Variants in DOK1 observed in about 807,000 individuals in gnomAD.
DOK1 encodes Downstream of tyrosine kinase 1.
DOK1 carries 12 observed loss-of-function variants against 24.0 expected under a neutral mutation model. That is an observed-to-expected ratio of 0.50 (90% CI 0.32 to 0.81). The LOEUF (loss-of-function observed/expected upper bound fraction) is 0.81. Among genes scored for constraint, DOK1 ranks in the 30% least tolerant of loss-of-function variants. The pLI, the probability that DOK1 is intolerant of heterozygous loss-of-function variation, is 0.03. For missense variants in DOK1, 591 were observed against 620.7 expected (o/e 0.95, Z 0.51); for synonymous variants, 250 against 260.9 (o/e 0.96, Z 0.40).
chr2:74,549,955 C>T, upstream of DOK1: 1 of 985,440 alleles, frequency 1.0e-6, no homozygotes, highest in Non-Finnish European at 1.2e-6. The surrounding 1 kb of genome is among the most constrained non-coding windows in gnomAD (Gnocchi z 5.3). Context: ...CCAGGGGTGA[C>T]TAGGGATGAA....
At position 74,549,105 on chromosome 2, in the gene DOK1, G is replaced by A. The variant is rs1009232154; in HGVS notation, c.-425G>A. 1.5e-5 allele frequency: 5 copies of A among 339,008 alleles called. No homozygotes were observed. The highest frequency in any genetic ancestry group is 2.6e-5 in the Non-Finnish European group (5 of 188,908). 21.0% of individuals were successfully genotyped at this position (339,008 alleles called of 1,614,324 possible). On this transcript the variant is annotated 5_prime_UTR_variant, in exon 1 of 5. Coordinates refer to the DOK1 transcript ENST00000409429. This position sits in a 1 kb window ranked among gnomAD's most constrained non-coding sequence, Gnocchi z 5.3. ...CGAGGCCGGCGCGCGCCCCGGGGCC[G>A]AGGAATCCGCCTGCCCGCCCAGGCG...
At chr2:74,552,515 CT>C (rs1349920719), upstream of DOK1, 4 of 1,613,418 alleles carry the variant, frequency 2.5e-6, no homozygotes, top group African/African-American at 4.0e-5. Flanking sequence ...ACCGAAGCCC[CT>C]GGCTCCCGGC....
chr2:74,555,201 C>T lies in DOK1; in HGVS notation c.108C>T (p.Gly36=), dbSNP rs768658142. 69 of 1,613,404 alleles carry T rather than the reference C, an allele frequency of 4.3e-5. No homozygotes were observed. Among genetic ancestry groups the T allele is most frequent in the Non-Finnish European group, 5.2e-5 (61 of 1,180,024 alleles). Residue 36 remains glycine (G), a synonymous_variant, in exon 2 of 5, where the codon GGC becomes GGT. Transcript: ENST00000233668. The surrounding 1 kb of genome is among the most constrained non-coding windows in gnomAD (Gnocchi z 6.1). ...WAVLYPASPH[G]VARLEFFDHK... ...TGCTCTACCCGGCCAGTCCCCACGG[C>T]GTAGCGCGGCTCGAGTTCTTTGACC... is the stretch of plus-strand genomic sequence containing the variant.
chr2:74,552,955 G>A (rs1677117065), upstream of DOK1: 1 of 320,506 alleles, frequency 3.1e-6, no homozygotes, highest in Admixed American at 4.6e-5. Context: ...CGTAGAGAGA[G>A]AGGAAGACCC....
chr2:74,550,313 TC>T (rs1676922805), upstream of DOK1: 1 of 1,613,916 alleles, frequency 6.2e-7, no homozygotes, highest in Admixed American at 1.7e-5. Flanking sequence ...CTCTGCTCGG[TC>T]CCACTGCAGC....
chr2:74,549,785 C>G (rs1676881399), upstream of DOK1: 4 of 1,421,742 alleles, frequency 2.8e-6, no homozygotes, highest in Non-Finnish European at 3.7e-6. This position sits in a 1 kb window ranked among gnomAD's most constrained non-coding sequence, Gnocchi z 5.3. Context: ...ATGTGCTGTG[C>G]TCCCAGAGAG....
In DOK1 at chr2:74,555,400, G is replaced by A. The variant is rs755421404; in HGVS notation, c.307G>A (p.Asp103Asn). 9.3e-6 allele frequency: 15 copies of A among 1,611,520 alleles called. No individual in the cohort carries two copies. The highest frequency in any genetic ancestry group is 1.3e-5 in the Non-Finnish European group (15 of 1,179,444). The change falls in exon 2 of 5, where the codon GAC (aspartate) becomes AAC (asparagine). Residue 103 changes from aspartate (D) to asparagine (N), a missense_variant. Coordinates refer to ENST00000233668, the MANE Select transcript of DOK1 (RefSeq NM_001381.5). The surrounding 1 kb of genome is among the most constrained non-coding windows in gnomAD (Gnocchi z 6.1). ...TCAGCGCTCGCACCTGCTGGCGGCCGACGCGCCGTCCAGTGCAGCCTGGGT... is the reference window on the plus strand; with the variant it reads ...TCAGCGCTCGCACCTGCTGGCGGCCAACGCGCCGTCCAGTGCAGCCTGGGT... Reference protein sequence around the residue: ...TAQRSHLLAADAPSSAAWVQT... With the variant: ...TAQRSHLLAANAPSSAAWVQT...
At position 74,549,325 on chromosome 2, in the gene DOK1, A is replaced by T. The variant is rs945063230; in HGVS notation, c.-358+153A>T. 1.3e-6 allele frequency: 2 copies of T among 1,515,868 alleles called. No individual in the cohort carries two copies. The highest frequency in any genetic ancestry group is 2.5e-5 in the South Asian group (2 of 80,986). The allele number at this position is 1,515,868 out of a possible 1,614,324, so 93.9% of individuals were successfully genotyped here. The stretch of plus-strand genomic sequence containing the variant: ...CTCCCAAGGCTATTCATCAGGGAGC[A>T]CCCCAATCCCGGCCTGCTCCGCCCG... On this transcript the variant is annotated intron_variant, in intron 1 of 4. Transcript: ENST00000409429. The surrounding 1 kb of genome is among the most constrained non-coding windows in gnomAD (Gnocchi z 5.3).
At position 74,549,316 on chromosome 2, in the gene DOK1, T is replaced by C; in HGVS notation, c.-358+144T>C. ...CTCAGATGTCTCCCAAGGCTATTCA[T>C]CAGGGAGCACCCCAATCCCGGCCTG... On this transcript the variant is annotated intron_variant, in intron 1 of 4. Coordinates refer to the DOK1 transcript ENST00000409429. This position sits in a 1 kb window ranked among gnomAD's most constrained non-coding sequence, Gnocchi z 5.3. 3 of 1,505,934 alleles carry C rather than the reference T, an allele frequency of 2.0e-6. No homozygotes were observed. 93.3% of individuals were successfully genotyped at this position (1,505,934 alleles called of 1,614,324 possible).
chr2:74,554,632 C>T (rs560774317), upstream of DOK1: 3 of 884,150 alleles, frequency 3.4e-6, no homozygotes, highest in South Asian at 3.4e-5. The surrounding 1 kb of genome is among the most constrained non-coding windows in gnomAD (Gnocchi z 4.9). Flanking sequence ...CCCACCGCGA[C>T]CCCCCCAGCG....
chr2:74,556,094 G>C lies in DOK1; in HGVS notation c.639+16G>C. The C allele has an allele frequency of 6.4e-7, 1 of 1,563,224 alleles. No individual in the cohort carries two copies. The highest frequency in any genetic ancestry group is 8.7e-7 in the Non-Finnish European group (1 of 1,152,072). On this transcript the variant is annotated intron_variant, in intron 4 of 4. Coordinates refer to ENST00000233668, the MANE Select transcript of DOK1 (RefSeq NM_001381.5). This position sits in a 1 kb window ranked among gnomAD's most constrained non-coding sequence, Gnocchi z 4.1. ...CCGGGACAAGGTGCAGGGGCTGTCCGGGAGGGCTTCCTGGGTTGGGCAGCT... is the reference window on the plus strand; with the variant it reads ...CCGGGACAAGGTGCAGGGGCTGTCCCGGAGGGCTTCCTGGGTTGGGCAGCT...
At position 74,556,256 on chromosome 2, in the gene DOK1, T is replaced by G. The variant is rs1022981148; in HGVS notation, c.640-52T>G. 6.5e-5 allele frequency: 103 copies of G among 1,578,068 alleles called. No homozygotes were observed. In the Admixed American group the frequency reaches 1.7e-3, roughly 26 times the overall value. On this transcript the variant is annotated intron_variant, in intron 4 of 4. Coordinates refer to ENST00000233668, the MANE Select transcript of DOK1 (RefSeq NM_001381.5). This position sits in a 1 kb window ranked among gnomAD's most constrained non-coding sequence, Gnocchi z 4.1. The stretch of plus-strand genomic sequence containing the variant: ...ACCCTAACTAGTGCAGGCGTGTGAC[T>G]CACTTCCTCTGATGGCTCCTGGTAA...
Position 74,556,015 on chromosome 2 carries a change from T to G in DOK1, c.576T>G (p.Ser192Arg). The G allele has an allele frequency of 1.9e-6, 3 of 1,612,992 alleles. No homozygotes were observed. Among genetic ancestry groups the G allele is most frequent in the Non-Finnish European group, 2.5e-6 (3 of 1,179,562 alleles). The change falls in exon 4 of 5, where the codon AGT (serine) becomes AGG (arginine). Residue 192 changes from serine (S) to arginine (R), a missense_variant. Ser to Arg is a moderately radical substitution (Grantham distance 110). Transcript: ENST00000233668. This position sits in a 1 kb window ranked among gnomAD's most constrained non-coding sequence, Gnocchi z 4.1. ...CTCTCCTGACCGTGGGGGCCCAGAG[T>G]CAGATACTGGAGCCACTCCTGTCCT... ...RLTLLTVGAQSQILEPLLSWP... is the reference protein window; with the variant it reads ...RLTLLTVGAQRQILEPLLSWP...
chr2:74,555,807 C>G lies in DOK1; in HGVS notation c.455-87C>G. The G allele has an allele frequency of 6.3e-7, 1 of 1,583,978 alleles. No individual in the cohort carries two copies. ...CTGAGATCTGGCTTCCGAGTGAGTGCTTGGACACTATGCTCATGAGTCCTC... is the reference window on the plus strand; with the variant it reads ...CTGAGATCTGGCTTCCGAGTGAGTGGTTGGACACTATGCTCATGAGTCCTC... On this transcript the variant is annotated intron_variant, in intron 3 of 4. Coordinates refer to ENST00000233668, the MANE Select transcript of DOK1 (RefSeq NM_001381.5). This position sits in a 1 kb window ranked among gnomAD's most constrained non-coding sequence, Gnocchi z 6.1.
At chr2:74,552,146 A>G (rs564645402), upstream of DOK1, among the ~76,000 whole-genome samples, 1 of 152,304 alleles carries the variant, frequency 6.6e-6, no homozygotes, top group East Asian at 1.9e-4. Context: ...GACTAGCCTA[A>G]GGTCACACAG....
upstream of DOK1, chr2:74,552,489 A>AAGCC: frequency 3.7e-6 from 6 of 1,613,522 alleles, no homozygotes; most frequent in Non-Finnish European, 5.1e-6. Context: ...CTTCCTGGGG[A>AAGCC]AGCCAGCCAG....
chr2:74,549,919 TGAG>T (rs991474855), upstream of DOK1: 9 of 985,288 alleles, frequency 9.1e-6, no homozygotes, highest in African/African-American at 7.0e-5. This position sits in a 1 kb window ranked among gnomAD's most constrained non-coding sequence, Gnocchi z 5.3. Flanking sequence ...CAGGAACATT[TGAG>T]GAGAAGGAGA....
rs1007223061 is a variant in DOK1 at position 74,549,437 on chromosome 2, G to C, written c.-358+265G>C. 2 of 1,613,288 alleles carry C rather than the reference G, an allele frequency of 1.2e-6. No homozygotes were observed. Among genetic ancestry groups the C allele is most frequent in the Non-Finnish European group, 1.7e-6 (2 of 1,179,706 alleles). On this transcript the variant is annotated intron_variant, in intron 1 of 4. Transcript: ENST00000409429. This position sits in a 1 kb window ranked among gnomAD's most constrained non-coding sequence, Gnocchi z 5.3. ...GCATCCCGCAGACCACGTGGCTGTT[G>C]TGGGCGCTCCAGCCTTTGTCGCACA... is the stretch of plus-strand genomic sequence containing the variant.
rs757369182 is a variant in DOK1 at position 74,549,598 on chromosome 2, A to C, written c.-358+426A>C. On this transcript the variant is annotated intron_variant, in intron 1 of 4. Transcript: ENST00000409429. This position sits in a 1 kb window ranked among gnomAD's most constrained non-coding sequence, Gnocchi z 5.3. ...TGATGCTCTACCTGGGGGCGGGGCC[A>C]CAAGCAGGGAAAGAATCCCAGTGGC... 6.3e-7 allele frequency: 1 copy of C among 1,595,398 alleles called. No individual in the cohort carries two copies. The highest frequency in any genetic ancestry group is 2.3e-5 in the East Asian group (1 of 44,274).
Sources: gnomAD v4.1 joint callset for allele counts (sites outside exome capture counted in the v4.1 genomes callset) on GRCh38, gnomAD v4.1.1 for gene constraint, Gnocchi (gnomAD v3.1) non-coding constraint, MANE v1.5 for transcripts, NCBI Gene and HGNC (gene_info 2026-07-23, HGNC 2026-07-21) for gene names.